EPPIN: variants seen among roughly 807,000 people sequenced by gnomAD.
EPPIN encodes epididymal peptidase inhibitor.
EPPIN carries 14 observed loss-of-function variants against 18.8 expected under a neutral mutation model. That is an observed-to-expected ratio of 0.75 (90% CI 0.49 to 1.17). The LOEUF is 1.17. Ranked by LOEUF, EPPIN falls within the 50% of genes most tolerant of loss-of-function variation. The pLI is 0.00. For missense variants in EPPIN, 143 were observed against 154.2 expected (o/e 0.93, Z 0.39); for synonymous variants, 57 against 54.8 (o/e 1.04, Z -0.18).
intron 1 of EPPIN, 48 bp downstream of exon 1, chr20:45,547,219 C>G: frequency 6.2e-7 from 1 of 1,612,064 alleles, no homozygotes; most frequent in African/African-American, 1.3e-5. Context: ...TTCCTTCCTC[C>G]CAGCAAACTC....
Position 45,542,139 on chromosome 20 carries a change from T to C in EPPIN, c.*5A>G. The C allele has an allele frequency of 6.2e-7, 1 of 1,613,656 alleles. No homozygotes were observed. On this transcript the variant is annotated 3_prime_UTR_variant, in exon 4 of 4. Coordinates refer to ENST00000354280, the MANE Select transcript of EPPIN (RefSeq NM_020398.4). ...TGGCAGTTCTTCCAGTGCATCCTTA[T>C]CCAATCAGGGAAAGCCTGCAGAGAA... is the stretch of plus-strand genomic sequence containing the variant.
chr20:45,547,129 C>T lies in EPPIN; in HGVS notation c.91+138G>A, dbSNP rs1170090525. On this transcript the variant is annotated intron_variant, in intron 1 of 3. Transcript: ENST00000354280. ...GGAATCTTACACAGGAGGGATCTTA[C>T]AAATATCTCTCTCCTCTCCCAACCC... 4.4e-5 allele frequency: 55 copies of T among 1,252,962 alleles called. No individual in the cohort carries two copies. In the South Asian group the frequency reaches 5.4e-4, roughly 12 times the overall value. 77.6% of individuals were successfully genotyped at this position (1,252,962 alleles called of 1,614,324 possible). A position where few individuals can be genotyped will look rare whatever the true frequency, so the allele number is the denominator to read the frequency against.
In EPPIN at chr20:45,542,110, A is replaced by G. The variant is rs369195525; in HGVS notation, c.*34T>C. 1.5e-5 allele frequency: 24 copies of G among 1,613,230 alleles called. No homozygotes were observed. The highest frequency in any genetic ancestry group is 1.2e-5 in the Non-Finnish European group (14 of 1,179,652). ...GAACAGTACTCAGAGCATGAGCCAC[A>G]TTCTGGCAGTTCTTCCAGTGCATCC... On this transcript the variant is annotated 3_prime_UTR_variant, in exon 4 of 4. Coordinates refer to ENST00000354280, the MANE Select transcript of EPPIN (RefSeq NM_020398.4).
Position 45,540,929 on chromosome 20 carries a change from A to G in EPPIN, c.*1215T>C, listed in dbSNP as rs1049506923. ...AATCCCATTACTGGGTATACACTCA[A>G]AGGAATATAAATCATTCTTTTATAA... On this transcript the variant is annotated 3_prime_UTR_variant, in exon 4 of 4. Transcript: ENST00000354280. 6.6e-6 allele frequency: 1 copy of G among 152,224 alleles called. No homozygotes were observed. Among genetic ancestry groups the G allele is most frequent in the Non-Finnish European group, 1.5e-5 (1 of 68,046 alleles). The allele number at this position is 152,224 out of a possible 1,614,324, so 9.4% of individuals were successfully genotyped here. A position where few individuals can be genotyped will look rare whatever the true frequency, so the allele number is the denominator to read the frequency against.
chr20:45,545,469 T>C lies in EPPIN; in HGVS notation c.223+170A>G. On this transcript the variant is annotated intron_variant, in intron 2 of 3. Coordinates refer to ENST00000354280, the MANE Select transcript of EPPIN (RefSeq NM_020398.4). The stretch of plus-strand genomic sequence containing the variant: ...CCTGATAGGATAAGGTCATTCCTAA[T>C]GGCACACACCATATTTGGCACAGTA... The C allele has an allele frequency of 4.5e-6, 5 of 1,118,610 alleles. No individual in the cohort carries two copies. In the South Asian group the frequency reaches 6.2e-5, roughly 14 times the overall value. The allele number at this position is 1,118,610 out of a possible 1,614,324, so 69.3% of individuals were successfully genotyped here.
rs940451234 is a variant in EPPIN, at chr20:45,546,088, G to A, written c.92-318C>T. 1.8e-5 allele frequency: 8 copies of A among 447,160 alleles called. No homozygotes were observed. In the Admixed American group the frequency reaches 2.7e-4, roughly 15 times the overall value. The allele number at this position is 447,160 out of a possible 1,614,324, so 27.7% of individuals were successfully genotyped here. On this transcript the variant is annotated intron_variant, in intron 1 of 3. Coordinates refer to ENST00000354280, the MANE Select transcript of EPPIN (RefSeq NM_020398.4). The stretch of plus-strand genomic sequence containing the variant: ...ACTGGGGATTGTAGGATGTTTAGCA[G>A]CATCCCAGGCCTCTTCCCATCAGAA...
rs1568989675 is a variant in EPPIN at position 45,545,362 on chromosome 20, G to A, written c.223+277C>T. ...GCTCAAAAAATTATAAGAGTGACAG[G>A]TATCCAAATAGCCAAAAGAATCTGA... On this transcript the variant is annotated intron_variant, in intron 2 of 3. Coordinates refer to ENST00000354280, the MANE Select transcript of EPPIN (RefSeq NM_020398.4). 6.5e-6 allele frequency: 3 copies of A among 459,184 alleles called. No individual in the cohort carries two copies. In the East Asian group the frequency reaches 1.1e-4, roughly 16 times the overall value. 28.4% of individuals were successfully genotyped at this position (459,184 alleles called of 1,614,324 possible).
rs890472434 is a variant in EPPIN at position 45,541,995 on chromosome 20, A to G, written c.*149T>C. 1.7e-5 allele frequency: 14 copies of G among 803,452 alleles called. No homozygotes were observed. The African/African-American group carries it at 2.3e-4, about 13-fold the overall frequency. The allele number at this position is 803,452 out of a possible 1,614,324, so 49.8% of individuals were successfully genotyped here. A position where few individuals can be genotyped will look rare whatever the true frequency, so the allele number is the denominator to read the frequency against. On this transcript the variant is annotated 3_prime_UTR_variant, in exon 4 of 4. Coordinates refer to ENST00000354280, the MANE Select transcript of EPPIN (RefSeq NM_020398.4). ...AGCCAAAGATGGAGGAAGAGGAGGT[A>G]GATGCAAGCGTTCTGTTCTGGGAAG...
chr20:45,543,120 G>A (rs546102307), intron 2 of EPPIN: 3 of 462,672 alleles, frequency 6.5e-6, no homozygotes, highest in African/African-American at 2.0e-5. Context: ...AAATAGGGTG[G>A]GCCCCTATAC....
chr20:45,542,428 A>C (rs1324720047), intron 3 of EPPIN: 2 of 635,390 alleles, frequency 3.1e-6, no homozygotes, highest in East Asian at 2.8e-5. Flanking sequence ...CTGAGATTTC[A>C]CCACTTCTAC....
At position 45,541,123 on chromosome 20, in the gene EPPIN, A is replaced by T. The variant is rs538459839; in HGVS notation, c.*1021T>A. 1 of 152,230 alleles carries T rather than the reference A, an allele frequency of 6.6e-6. No individual in the cohort carries two copies. Among genetic ancestry groups the T allele is most frequent in the Admixed American group, 6.5e-5 (1 of 15,278 alleles). The allele number at this position is 152,230 out of a possible 1,614,324, so 9.4% of individuals were successfully genotyped here. ...ATGAGATCACGTCCTTTGCAGGGACATGGATGAAGCTGGAAGCCGTTATCC... is the reference window on the plus strand; with the variant it reads ...ATGAGATCACGTCCTTTGCAGGGACTTGGATGAAGCTGGAAGCCGTTATCC... On this transcript the variant is annotated 3_prime_UTR_variant, in exon 4 of 4. Transcript: ENST00000354280.
At chr20:45,545,535 C>G in intron 2 of EPPIN, 104 bp downstream of exon 2, 1 of 1,579,074 alleles carries the variant, frequency 6.3e-7, no homozygotes, top group Non-Finnish European at 8.6e-7. Flanking sequence ...AGCAGTTTTG[C>G]CAGAGACCAG....
Position 45,541,990 on chromosome 20 carries a change from G to A in EPPIN, c.*154C>T. Reference sequence around the variant, plus strand: ...AAAAGAGCCAAAGATGGAGGAAGAGGAGGTAGATGCAAGCGTTCTGTTCTG... The same window carrying A: ...AAAAGAGCCAAAGATGGAGGAAGAGAAGGTAGATGCAAGCGTTCTGTTCTG... On this transcript the variant is annotated 3_prime_UTR_variant, in exon 4 of 4. Transcript: ENST00000354280. 1.3e-6 allele frequency: 1 copy of A among 760,944 alleles called. No individual in the cohort carries two copies. Among genetic ancestry groups the A allele is most frequent in the Non-Finnish European group, 2.0e-6 (1 of 488,802 alleles). The allele number at this position is 760,944 out of a possible 1,614,324, so 47.1% of individuals were successfully genotyped here. A position where few individuals can be genotyped will look rare whatever the true frequency, so the allele number is the denominator to read the frequency against.
chr20:45,542,612 T>C, intron 3 of EPPIN, 88 bp downstream of exon 3: 3 of 1,527,378 alleles, frequency 2.0e-6, no homozygotes, highest in Non-Finnish European at 2.6e-6. Context: ...CTGCCAAAGA[T>C]GTAGCTGTCC....
chr20:45,542,055 A>T lies in EPPIN; in HGVS notation c.*89T>A, dbSNP rs1447339147. ...CTTGGAATGCTGAGAGTGAAACTGG[A>T]AGCCAGTCTGGAGCATCCGTCAGGT... On this transcript the variant is annotated 3_prime_UTR_variant, in exon 4 of 4. Coordinates refer to ENST00000354280, the MANE Select transcript of EPPIN (RefSeq NM_020398.4). 12 of 1,546,154 alleles carry T rather than the reference A, an allele frequency of 7.8e-6. No homozygotes were observed. In the Admixed American group the frequency reaches 2.2e-4, roughly 28 times the overall value.
intron 2 of EPPIN, 166 bp downstream of exon 2, chr20:45,545,473 A>G: frequency 1.7e-6 from 2 of 1,173,528 alleles, no homozygotes; most frequent in Non-Finnish European, 2.4e-6. Flanking sequence ...TCCTAATGGC[A>G]CACACCATAT....
At position 45,545,743 on chromosome 20, in the gene EPPIN, C is replaced by T. The variant is rs761896300; in HGVS notation, c.119G>A (p.Cys40Tyr). ...ACACACATCCCTTTCTTGGAATTCA[C>T]ATTCTTCTCTGATTTTGGGACATCT... ...PRRCPKIREE[C>Y]EFQERDVCTK... The change falls in exon 2 of 4, where the codon TGT (cysteine) becomes TAT (tyrosine). Residue 40 changes from cysteine to tyrosine, a missense_variant. Coordinates refer to ENST00000354280, the MANE Select transcript of EPPIN (RefSeq NM_020398.4). The T allele has an allele frequency of 1.2e-6, 2 of 1,614,028 alleles. No homozygotes were observed. Among genetic ancestry groups the T allele is most frequent in the South Asian group, 1.1e-5 (1 of 91,066 alleles).
chr20:45,543,036 AC>A, intron 2 of EPPIN, 169 bp from the exon 3 acceptor site: 1 of 1,094,462 alleles, frequency 9.1e-7, no homozygotes, highest in Non-Finnish European at 1.2e-6. Flanking sequence ...TTGCAAGGAG[AC>A]CCCAGAGTGG....
chr20:45,542,722 G>A lies in EPPIN; in HGVS notation c.369C>T (p.Cys123=), dbSNP rs1179444938. The A allele has an allele frequency of 6.2e-7, 1 of 1,613,846 alleles. No individual in the cohort carries two copies. The highest frequency in any genetic ancestry group is 1.7e-5 in the Admixed American group (1 of 59,998). ...TACGTTTATTCTTGCAGGTGTTCAG[G>A]CAGTTGGCTTTGGATTGGAAGTTGT... ...NNNNFQSKAN[C]LNTCKNKRFP is the part of the protein sequence containing the mutation. Residue 123 remains cysteine, a synonymous_variant, in exon 3 of 4, where the codon TGC becomes TGT. Transcript: ENST00000354280.
Sources: allele counts gnomAD v4.1 joint callset, GRCh38; gene constraint gnomAD v4.1.1; transcripts MANE v1.5; gene names NCBI Gene and HGNC (gene_info 2026-07-23, HGNC 2026-07-21).